The following CRYL1 variants were observed in gnomAD, a reference collection of about 807,000 sequenced individuals.
CRYL1 encodes lambda-crystallin homolog.
A neutral mutation model predicts 36.6 loss-of-function variants in CRYL1; 29 were observed. The ratio of observed to expected loss-of-function variants is 0.79; its 90% CI spans 0.59 to 1.08. The LOEUF (loss-of-function observed/expected upper bound fraction) is 1.08. Among genes scored for constraint, CRYL1 ranks in the 50% least tolerant of loss-of-function variants. The pLI is 0.00. For missense variants in CRYL1, 411 were observed against 407.9 expected, an observed-to-expected ratio of 1.01 and a Z score of -0.06; for synonymous variants, 152 against 151.5, an observed-to-expected ratio of 1.00 and a Z score of -0.02.
intron 2 of CRYL1, among the ~76,000 whole-genome samples, chr13:20,508,688 T>G (rs1443596824): frequency 1.3e-5 from 2 of 149,140 alleles, no homozygotes; most frequent in Admixed American, 6.7e-5. Flanking sequence ...CTGCTAAAAA[T>G]ACAAAAAAAA....
At chr13:20,404,967 A>G (rs1469062552) in intron 6 of CRYL1, among the ~76,000 whole-genome samples, 2 of 152,124 alleles carry the variant, frequency 1.3e-5, no homozygotes, top group African/African-American at 4.8e-5. Context: ...GGGGGTTCGA[A>G]TGCCAAAAAG....
chr13:20,404,134 G>C lies in CRYL1; in HGVS notation c.955C>G (p.Gln319Glu). ...LAKLKSQVQPQ is the reference protein window; with the variant it reads ...LAKLKSQVQPE Reference sequence around the variant, plus strand: ...GAAGCTGCATTACAAGAAATTCACTGGGGCTGCACTTGACTCTTCAACTTG... The same window carrying C: ...GAAGCTGCATTACAAGAAATTCACTCGGGCTGCACTTGACTCTTCAACTTG... The change falls in exon 8 of 8, where the codon CAG (glutamine) becomes GAG (glutamate). Residue 319 changes from glutamine to glutamate, a missense_variant. Gln to Glu is a conservative substitution (Grantham distance 29). Coordinates refer to ENST00000298248, the MANE Select transcript of CRYL1 (RefSeq NM_015974.3). 6.2e-7 allele frequency: 1 copy of C among 1,611,266 alleles called. No homozygotes were observed.
intron 3 of CRYL1, among the ~76,000 whole-genome samples, chr13:20,477,510 A>G (rs1188506033): frequency 2.7e-5 from 4 of 150,836 alleles, no homozygotes; most frequent in East Asian, 3.9e-4. Flanking sequence ...CCCACTTTAC[A>G]TGGGCGTCCT....
At chr13:20,472,709 T>G (rs1046264216) in intron 3 of CRYL1, among the ~76,000 whole-genome samples, 9 of 152,198 alleles carry the variant, frequency 5.9e-5, no homozygotes, top group African/African-American at 2.2e-4. Context: ...ACTGGCTCAC[T>G]GGGGCAGGCC....
intron 3 of CRYL1, among the ~76,000 whole-genome samples, chr13:20,463,064 C>T (rs7331753): frequency 0.96 from 146,087 of 152,188 alleles, 70,382 homozygotes; most frequent in East Asian, 1. Flanking sequence ...CAGCAGAACC[C>T]GAAGCTGGGT....
chr13:20,509,470 CAG>C (rs2033874077), intron 2 of CRYL1, among the ~76,000 whole-genome samples: 1 of 152,136 alleles, frequency 6.6e-6, no homozygotes, highest in Non-Finnish European at 1.5e-5. Context: ...TTTTTATGCA[CAG>C]AGAGTCGCAG....
intron 5 of CRYL1, among the ~76,000 whole-genome samples, chr13:20,428,774 G>A (rs2031988829): frequency 6.6e-6 from 1 of 152,110 alleles, no homozygotes; most frequent in African/African-American, 2.4e-5. Context: ...AGATGGCAGG[G>A]GTGGCAGGGA....
rs956411090 is a variant in CRYL1, at chr13:20,435,761, C to T, written c.439-3465G>A. Among the ~76,000 whole-genome samples the T allele has an allele frequency of 2.6e-5, 4 of 152,202 alleles. No homozygotes were observed. Among genetic ancestry groups the T allele is most frequent in the African/African-American group, 4.8e-5 (2 of 41,470 alleles). On this transcript the variant is annotated intron_variant, in intron 4 of 7. Transcript: ENST00000298248. This position sits in a 1 kb window ranked among gnomAD's most constrained non-coding sequence, Gnocchi z 4.0. Reference sequence around the variant, plus strand: ...CGCATTCTTCCCCGCCGCCCGGGCCCCATGTGACCGCGCCGACAGCGCGGC... The same window carrying T: ...CGCATTCTTCCCCGCCGCCCGGGCCTCATGTGACCGCGCCGACAGCGCGGC...
rs188966814 is a variant in CRYL1, at chr13:20,437,346, C to T, written c.438+2247G>A. ...TTTTTGAGATGGAGTCTCGCTCTGT[C>T]GCCCAGGCTGGAGTGCAGTGGCGCG... On this transcript the variant is annotated intron_variant, in intron 4 of 7. Transcript: ENST00000298248. Among the ~76,000 whole-genome samples the T allele has an allele frequency of 7.3e-4, 108 of 147,414 alleles. 2 individuals are homozygous for T. In the East Asian group the frequency reaches 0.02, roughly 28 times the overall value.
intron 6 of CRYL1, among the ~76,000 whole-genome samples, chr13:20,412,783 T>C (rs1215032101): frequency 6.6e-6 from 1 of 152,082 alleles, no homozygotes; most frequent in African/African-American, 2.4e-5. Flanking sequence ...GCCCCACCCA[T>C]ATGCCCCTCC....
rs1187286816 is a variant in CRYL1, at chr13:20,413,342, C to A, written c.679G>T (p.Gly227Trp). 1 of 1,613,852 alleles carries A rather than the reference C, an allele frequency of 6.2e-7. No homozygotes were observed. Among genetic ancestry groups the A allele is most frequent in the Admixed American group, 1.7e-5 (1 of 59,924 alleles). The change falls in exon 6 of 8, where the codon GGG (glycine) becomes TGG (tryptophan). Residue 227 changes from glycine to tryptophan, a missense_variant. Transcript: ENST00000298248. ...PSDLDLVMSE[G>W]LGMRYAFIGP... ...ATGAATGCATACCGCATGCCCAACC[C>A]TTCTGACATGACAAGGTCCAGGTCA... is the stretch of plus-strand genomic sequence containing the variant.
In CRYL1 at chr13:20,430,882, G is replaced by A. The variant is rs935047512; in HGVS notation, c.633+1220C>T. ...TCTCCAAAAAGGTTCTGATAGATCC[G>A]TGTTTCTTTAAAAATACCTTGACAC... On this transcript the variant is annotated intron_variant, in intron 5 of 7. Transcript: ENST00000298248. The A allele has an allele frequency of 4.0e-5, 39 of 984,922 alleles. No homozygotes were observed. The South Asian group carries it at 6.1e-4, about 15-fold the overall frequency. 61.0% of individuals were successfully genotyped at this position (984,922 alleles called of 1,614,324 possible).
At chr13:20,511,066 T>A (rs2033907912) in intron 2 of CRYL1, among the ~76,000 whole-genome samples, 1 of 152,116 alleles carries the variant, frequency 6.6e-6, no homozygotes, top group Admixed American at 6.6e-5. Context: ...TTGATTTTTG[T>A]CTGGTTGGCT....
intron 6 of CRYL1, among the ~76,000 whole-genome samples, chr13:20,408,339 G>A (rs2031432482): frequency 6.6e-6 from 1 of 152,068 alleles, no homozygotes; most frequent in Admixed American, 6.5e-5. Context: ...AAAGGCAAGT[G>A]TCTACACAGG....
At position 20,415,636 on chromosome 13, in the gene CRYL1, G is replaced by A. The variant is rs1021223457; in HGVS notation, c.634-2249C>T. Among the ~76,000 whole-genome samples, 2 of 152,194 alleles carry A rather than the reference G, an allele frequency of 1.3e-5. No individual in the cohort carries two copies. Among genetic ancestry groups the A allele is most frequent in the African/African-American group, 4.8e-5 (2 of 41,464 alleles). ...CACGGGACACAAGCATATCGAGGCT[G>A]AACAAGCCACAGTCCACGTTTCCAG... On this transcript the variant is annotated intron_variant, in intron 5 of 7. Coordinates refer to ENST00000298248, the MANE Select transcript of CRYL1 (RefSeq NM_015974.3). This position sits in a 1 kb window ranked among gnomAD's most constrained non-coding sequence, Gnocchi z 4.1.
At chr13:20,460,215 CTGTGATTTAATCCT>C (rs1192230591) in intron 3 of CRYL1, among the ~76,000 whole-genome samples, 1 of 152,138 alleles carries the variant, frequency 6.6e-6, no homozygotes, top group Non-Finnish European at 1.5e-5. Context: ...ACCAACAATA[CTGTGATTTAATCCT>C]TGCACCACAT....
chr13:20,497,707 TACACACACCACACAA>T (rs1308961703), intron 2 of CRYL1, among the ~76,000 whole-genome samples: 10 of 145,122 alleles, frequency 6.9e-5, no homozygotes, highest in Non-Finnish European at 1.1e-4. Flanking sequence ...ATATATGCCC[TACACACACCACACAA>T]ACACACACCA....
At chr13:20,417,657 T>G (rs1429976851) in intron 5 of CRYL1, among the ~76,000 whole-genome samples, 1 of 152,196 alleles carries the variant, frequency 6.6e-6, no homozygotes, top group Non-Finnish European at 1.5e-5. Flanking sequence ...CCCCTTTTAT[T>G]GAAAAACTCC....
At chr13:20,461,552 A>G (rs1198663335) in intron 3 of CRYL1, among the ~76,000 whole-genome samples, 19 of 152,192 alleles carry the variant, frequency 1.2e-4, no homozygotes, top group Admixed American at 1.2e-3. Context: ...AGGAGGCTCC[A>G]GAGCTGGGGT....
Sources: gnomAD v4.1 joint callset for allele counts (sites outside exome capture counted in the v4.1 genomes callset) on GRCh38, gnomAD v4.1.1 for gene constraint, Gnocchi (gnomAD v3.1) non-coding constraint, MANE v1.5 for transcripts, NCBI Gene and HGNC (gene_info 2026-07-23, HGNC 2026-07-21) for gene names.